The following PAFAH1B1 variants were observed in gnomAD, a reference collection of about 807,000 sequenced individuals.
The protein encoded by PAFAH1B1 is platelet activating factor acetylhydrolase 1b regulatory subunit 1.
In PAFAH1B1, 2 loss-of-function variants were observed where a neutral mutation model predicts 57.5. That is an observed-to-expected ratio of 0.03 (90% CI 0.01 to 0.11). PAFAH1B1 has a LOEUF of 0.11. Among genes scored for constraint, PAFAH1B1 ranks in the 10% least tolerant of loss-of-function variants. The pLI is 1.00. For synonymous variants in PAFAH1B1, 152 were observed against 169.6 expected (o/e 0.90, Z 0.81); for missense variants, 257 against 512.0 (o/e 0.50, Z 4.81).
intron 1 of PAFAH1B1, among the ~76,000 whole-genome samples, 181 bp downstream of exon 1, chr17:2,594,187 C>T (rs949850220): frequency 6.6e-6 from 1 of 152,076 alleles, no homozygotes; most frequent in Non-Finnish European, 1.5e-5. Context: ...AAAATGGCGG[C>T]CGCGACGGCC....
rs932026127 is a variant in PAFAH1B1 at position 2,684,644 on chromosome 17, G to A, written c.*2842G>A. On this transcript the variant is annotated 3_prime_UTR_variant, in exon 11 of 11. Transcript: ENST00000397195. ...GAGACTGGTTTAGACACCGCGTGGA[G>A]CCTAGTTGCCTGTTGTCACGGCATC... is the stretch of plus-strand genomic sequence containing the variant. 1 of 152,688 alleles carries A rather than the reference G, an allele frequency of 6.5e-6. No individual in the cohort carries two copies. Among genetic ancestry groups the A allele is most frequent in the African/African-American group, 2.4e-5 (1 of 41,462 alleles). 9.5% of individuals were successfully genotyped at this position (152,688 alleles called of 1,614,324 possible). A position where few individuals can be genotyped will look rare whatever the true frequency, so the allele number is the denominator to read the frequency against.
chr17:2,634,991 C>G (rs560626972), intron 1 of PAFAH1B1, among the ~76,000 whole-genome samples: 151 of 152,070 alleles, frequency 9.9e-4, no homozygotes, highest in African/African-American at 3.2e-3. Context: ...GGTGAAACCC[C>G]GTCTTTACTA....
intron 1 of PAFAH1B1, among the ~76,000 whole-genome samples, chr17:2,611,871 C>T (rs2068271652): frequency 1.3e-5 from 2 of 152,136 alleles, no homozygotes; most frequent in South Asian, 2.1e-4. Context: ...GTGGTAAATA[C>T]GTGTATGTAT....
rs111841000 is a variant in PAFAH1B1, at chr17:2,653,888, A to G, written c.33-11484A>G. ...CAGTGGCGCAATCTCGGCTTACTGCAACCTCCACCTCCTGGGTTCACGTGA... is the reference window on the plus strand; with the variant it reads ...CAGTGGCGCAATCTCGGCTTACTGCGACCTCCACCTCCTGGGTTCACGTGA... On this transcript the variant is annotated intron_variant, in intron 2 of 10. Transcript: ENST00000397195. Among the ~76,000 whole-genome samples, 166 of 152,216 alleles carry G rather than the reference A, an allele frequency of 1.1e-3. 1 individual carries two copies. The highest frequency in any genetic ancestry group is 3.8e-3 in the African/African-American group (159 of 41,538).
chr17:2,657,117 G>A (rs1393899764), intron 2 of PAFAH1B1, among the ~76,000 whole-genome samples: 1 of 152,158 alleles, frequency 6.6e-6, no homozygotes, highest in Non-Finnish European at 1.5e-5. Flanking sequence ...TGTTTCTAGT[G>A]TTCTGCCATT....
intron 2 of PAFAH1B1, among the ~76,000 whole-genome samples, chr17:2,662,974 A>G (rs1273823471): frequency 1.3e-5 from 2 of 152,078 alleles, no homozygotes; most frequent in Non-Finnish European, 2.9e-5. Context: ...TTAGCTGGGC[A>G]TCGTGGCACC....
At chr17:2,630,901 T>A (rs527291359) in intron 1 of PAFAH1B1, among the ~76,000 whole-genome samples, 2 of 152,184 alleles carry the variant, frequency 1.3e-5, no homozygotes, top group African/African-American at 4.8e-5. Flanking sequence ...CATAAAAGAT[T>A]GTTAAAAATA....
intron 1 of PAFAH1B1, among the ~76,000 whole-genome samples, chr17:2,608,591 C>T (rs1326768052): frequency 6.6e-6 from 1 of 152,070 alleles, no homozygotes; most frequent in Non-Finnish European, 1.5e-5. Context: ...TGCTTGAGGC[C>T]AGGAATTTGG....
At chr17:2,653,547 T>C (rs1412067620) in intron 2 of PAFAH1B1, among the ~76,000 whole-genome samples, 2 of 152,208 alleles carry the variant, frequency 1.3e-5, no homozygotes, top group Non-Finnish European at 2.9e-5. Context: ...TTAAATCTTC[T>C]GGCTCAGTTT....
At chr17:2,661,568 TGTA>T (rs2069013790) in intron 2 of PAFAH1B1, among the ~76,000 whole-genome samples, 1 of 152,180 alleles carries the variant, frequency 6.6e-6, no homozygotes, top group African/African-American at 2.4e-5. Flanking sequence ...ACTGTAGCCT[TGTA>T]GTATAGTTTG....
At chr17:2,613,312 T>A in intron 1 of PAFAH1B1, 3 of 210,016 alleles carry the variant, frequency 1.4e-5, no homozygotes, top group Non-Finnish European at 3.2e-5. Context: ...CTGGGGGCCC[T>A]GGAAGCAGAG....
In PAFAH1B1 at chr17:2,682,847, G is replaced by T. The variant is rs2069404852; in HGVS notation, c.*1045G>T. On this transcript the variant is annotated 3_prime_UTR_variant, in exon 11 of 11. Coordinates refer to ENST00000397195, the MANE Select transcript of PAFAH1B1 (RefSeq NM_000430.4). ...TTACAAGTTTTAAAAAAATGACAGGGTTTAATGGAGCGTGCATAAAAATGT... is the reference window on the plus strand; with the variant it reads ...TTACAAGTTTTAAAAAAATGACAGGTTTTAATGGAGCGTGCATAAAAATGT... The T allele has an allele frequency of 6.6e-6, 1 of 152,610 alleles. No homozygotes were observed. The highest frequency in any genetic ancestry group is 2.4e-5 in the African/African-American group (1 of 41,442). 9.5% of individuals were successfully genotyped at this position (152,610 alleles called of 1,614,324 possible). A position where few individuals can be genotyped will look rare whatever the true frequency, so the allele number is the denominator to read the frequency against.
chr17:2,608,040 A>C (rs2068226028), intron 1 of PAFAH1B1, among the ~76,000 whole-genome samples: 1 of 150,870 alleles, frequency 6.6e-6, no homozygotes, highest in South Asian at 2.1e-4. Context: ...ATGTAGATCT[A>C]GTTTATTTAG....
intron 2 of PAFAH1B1, among the ~76,000 whole-genome samples, chr17:2,656,744 G>A (rs895024518): frequency 6.6e-6 from 1 of 152,056 alleles, no homozygotes; most frequent in Non-Finnish European, 1.5e-5. Flanking sequence ...CTATACAGTG[G>A]TCTTCCTTTG....
chr17:2,684,276 A>G lies in PAFAH1B1; in HGVS notation c.*2474A>G. 1 of 152,862 alleles carries G rather than the reference A, an allele frequency of 6.5e-6. No individual in the cohort carries two copies. Among genetic ancestry groups the G allele is most frequent in the Non-Finnish European group, 1.5e-5 (1 of 68,128 alleles). The allele number at this position is 152,862 out of a possible 1,614,324, so 9.5% of individuals were successfully genotyped here. On this transcript the variant is annotated 3_prime_UTR_variant, in exon 11 of 11. Coordinates refer to ENST00000397195, the MANE Select transcript of PAFAH1B1 (RefSeq NM_000430.4). ...GAATCAGATTTGCAAAATTTCCTGC[A>G]CTGCTGTCTGACACTGTCCTGTTGA... is the stretch of plus-strand genomic sequence containing the variant.
chr17:2,610,401 ACT>A (rs1483009516), intron 1 of PAFAH1B1, among the ~76,000 whole-genome samples: 1 of 152,130 alleles, frequency 6.6e-6, no homozygotes, highest in African/African-American at 2.4e-5. Flanking sequence ...CACAGATTTG[ACT>A]CTGAGCTTTC....
chr17:2,651,413 C>CAAAAA (rs1157501996), intron 2 of PAFAH1B1, among the ~76,000 whole-genome samples: 1 of 53,332 alleles, frequency 1.9e-5, no homozygotes, highest in African/African-American at 6.1e-5. Flanking sequence ...CCCGTCTCTA[C>CAAAAA]AAAAAAAAAA....
At chr17:2,613,551 GC>G in intron 1 of PAFAH1B1, 1 of 268,628 alleles carries the variant, frequency 3.7e-6, no homozygotes, top group Non-Finnish European at 7.5e-6. Context: ...TTGAGGGCAG[GC>G]CCCAGCTTCA....
chr17:2,634,948 A>G (rs1238751953), intron 1 of PAFAH1B1, among the ~76,000 whole-genome samples: 1 of 152,186 alleles, frequency 6.6e-6, no homozygotes, highest in Non-Finnish European at 1.5e-5. Context: ...GGATCACTTG[A>G]AGTCAGGAGT....
Sources: allele counts gnomAD v4.1 joint callset (sites outside exome capture counted in the v4.1 genomes callset), GRCh38; gene constraint gnomAD v4.1.1; transcripts MANE v1.5; gene names NCBI Gene and HGNC (gene_info 2026-07-23, HGNC 2026-07-21).